Variants in CACHD1 observed in about 807,000 individuals in gnomAD.
CACHD1 encodes cache domain containing 1.
Under a neutral mutation model 138.7 loss-of-function variants are expected in CACHD1, and 71 were observed. The observed-to-expected ratio is 0.51, with a 90% CI of 0.42 to 0.62. The LOEUF (loss-of-function observed/expected upper bound fraction) is 0.62, where lower values mean the gene tolerates loss of function less well. Among genes scored for constraint, CACHD1 ranks in the 20% least tolerant of loss-of-function variants. CACHD1 has a pLI of 0.00. For missense variants in CACHD1, 1,389 were observed against 1,625.3 expected, an observed-to-expected ratio of 0.85 and a Z score of 2.50; for synonymous variants, 578 against 591.5, an observed-to-expected ratio of 0.98 and a Z score of 0.33.
chr1:64,538,757 C>T (rs1646654352), intron 1 of CACHD1, among the ~76,000 whole-genome samples: 1 of 152,146 alleles, frequency 6.6e-6, no homozygotes, highest in Non-Finnish European at 1.5e-5. Context: ...TGAAAATTCT[C>T]TCTTTGGACG....
chr1:64,557,486 G>A (rs1383926435), intron 2 of CACHD1, among the ~76,000 whole-genome samples: 1 of 152,086 alleles, frequency 6.6e-6, no homozygotes, highest in African/African-American at 2.4e-5. Flanking sequence ...TTTGAAATGG[G>A]TCAGAGAGAA....
At chr1:64,576,567 C>T (rs1475541013) in intron 2 of CACHD1, among the ~76,000 whole-genome samples, 1 of 151,900 alleles carries the variant, frequency 6.6e-6, no homozygotes, top group East Asian at 1.9e-4. Context: ...CATTCCTCGT[C>T]AGAAGCACAC....
chr1:64,608,441 T>A (rs1246399411), intron 4 of CACHD1, among the ~76,000 whole-genome samples: 1 of 152,242 alleles, frequency 6.6e-6, no homozygotes, highest in Non-Finnish European at 1.5e-5. Context: ...TCTTTCATAC[T>A]GTATATAATT....
chr1:64,610,186 A>G (rs976640264), intron 4 of CACHD1, among the ~76,000 whole-genome samples: 19 of 152,158 alleles, frequency 1.2e-4, no homozygotes, highest in African/African-American at 4.6e-4. Flanking sequence ...GATTATGGAA[A>G]CTACAGTTCA....
intron 4 of CACHD1, among the ~76,000 whole-genome samples, chr1:64,615,151 C>A (rs143620446): frequency 4.5e-4 from 69 of 152,342 alleles, no homozygotes; most frequent in African/African-American, 1.6e-3. Context: ...TGCCAGCCGC[C>A]TCTGACATGT....
chr1:64,581,314 T>C (rs1350687366), intron 2 of CACHD1, among the ~76,000 whole-genome samples: 1 of 152,192 alleles, frequency 6.6e-6, no homozygotes, highest in African/African-American at 2.4e-5. Context: ...GTGATGATAA[T>C]GAATAGCACT....
At chr1:64,482,927 T>C (rs1646219621) in intron 1 of CACHD1, among the ~76,000 whole-genome samples, 2 of 152,328 alleles carry the variant, frequency 1.3e-5, no homozygotes, top group Admixed American at 1.3e-4. Context: ...TGGTTACCCC[T>C]GTCTGTGTCA....
At chr1:64,604,106 T>G (rs1207680399) in intron 4 of CACHD1, among the ~76,000 whole-genome samples, 2 of 152,158 alleles carry the variant, frequency 1.3e-5, no homozygotes, top group Non-Finnish European at 2.9e-5. Context: ...AGGGCCCCAG[T>G]AGGTCTCAGT....
chr1:64,659,703 G>A (rs891502117), intron 13 of CACHD1, among the ~76,000 whole-genome samples: 9 of 152,300 alleles, frequency 5.9e-5, no homozygotes, highest in African/African-American at 2.2e-4. Flanking sequence ...GGTCTATGTT[G>A]TCACCAAACC....
At chr1:64,508,956 A>T (rs1317518441) in intron 1 of CACHD1, among the ~76,000 whole-genome samples, 1 of 152,050 alleles carries the variant, frequency 6.6e-6, no homozygotes, top group Non-Finnish European at 1.5e-5. Flanking sequence ...TTCTCTTTCT[A>T]TGATTGGCTG....
At chr1:64,603,112 T>C (rs1647245167) in intron 4 of CACHD1, among the ~76,000 whole-genome samples, 200 bp downstream of exon 4, 1 of 144,174 alleles carries the variant, frequency 6.9e-6, no homozygotes, top group Admixed American at 7.0e-5. Context: ...TTTTTTTTTT[T>C]TTTTTTTTTT....
At chr1:64,610,190 C>T (rs1391187708) in intron 4 of CACHD1, among the ~76,000 whole-genome samples, 1 of 152,194 alleles carries the variant, frequency 6.6e-6, no homozygotes, top group Non-Finnish European at 1.5e-5. Context: ...ATGGAAACTA[C>T]AGTTCAAGAT....
At chr1:64,550,174 G>A (rs975531405) in intron 1 of CACHD1, among the ~76,000 whole-genome samples, 1 of 152,164 alleles carries the variant, frequency 6.6e-6, no homozygotes, top group Non-Finnish European at 1.5e-5. Flanking sequence ...ACTGAACAGG[G>A]ACATGAGAGA....
chr1:64,485,477 A>T (rs1372939670), intron 1 of CACHD1, among the ~76,000 whole-genome samples: 1 of 152,238 alleles, frequency 6.6e-6, no homozygotes, highest in African/African-American at 2.4e-5. Flanking sequence ...TGTATGTATC[A>T]GTAGTTAATT....
intron 1 of CACHD1, among the ~76,000 whole-genome samples, chr1:64,538,369 A>G (rs1646651416): frequency 6.6e-6 from 1 of 152,242 alleles, no homozygotes; most frequent in Non-Finnish European, 1.5e-5. Context: ...ATTTATAATT[A>G]TTTTTAAACA....
chr1:64,501,794 T>C (rs1178360151), intron 1 of CACHD1, among the ~76,000 whole-genome samples: 1 of 152,204 alleles, frequency 6.6e-6, no homozygotes, highest in African/African-American at 2.4e-5. Flanking sequence ...CACTTGAAAA[T>C]CATCAGCTCC....
chr1:64,585,974 C>A (rs1647048216), intron 3 of CACHD1, among the ~76,000 whole-genome samples: 1 of 151,818 alleles, frequency 6.6e-6, no homozygotes, highest in South Asian at 2.1e-4. Flanking sequence ...AAATTCTCAG[C>A]TAGCCACCTT....
chr1:64,658,922 T>C, intron 13 of CACHD1, 49 bp downstream of exon 13: 1 of 1,433,124 alleles, frequency 7.0e-7, no homozygotes, highest in East Asian at 2.5e-5. Context: ...CAGCTCACTG[T>C]AAATATCCTT....
At chr1:64,478,796 C>T (rs987181539) in intron 1 of CACHD1, among the ~76,000 whole-genome samples, 1 of 152,084 alleles carries the variant, frequency 6.6e-6, no homozygotes, top group Non-Finnish European at 1.5e-5. Flanking sequence ...GGGAGTGGTG[C>T]TGGATGTTGC....
Sources: allele counts gnomAD v4.1 joint callset (sites outside exome capture counted in the v4.1 genomes callset), GRCh38; gene constraint gnomAD v4.1.1; transcripts MANE v1.5; gene names NCBI Gene and HGNC (gene_info 2026-07-23, HGNC 2026-07-21).